The following LIPA variants were observed in gnomAD, a reference collection of about 807,000 sequenced individuals.
LIPA encodes the protein lysosomal acid lipase/cholesteryl ester hydrolase.
Under a neutral mutation model 40.6 loss-of-function variants are expected in LIPA, and 26 were observed. That is an observed-to-expected ratio of 0.64 (90% confidence interval 0.47 to 0.89). The LOEUF (loss-of-function observed/expected upper bound fraction) is 0.89. LIPA is among the 40% of genes least tolerant of loss of function. The pLI, the probability that LIPA is intolerant of heterozygous loss-of-function variation, is 0.00. For synonymous variants in LIPA, 188 were observed against 168.4 expected, an observed-to-expected ratio of 1.12 and a Z score of -0.90; for missense variants, 455 against 479.6, an observed-to-expected ratio of 0.95 and a Z score of 0.48.
chr10:89,373,516 C>T (rs1844104959), intron 2 of LIPA, among the ~76,000 whole-genome samples: 3 of 151,944 alleles, frequency 2.0e-5, no homozygotes, highest in Admixed American at 1.3e-4. Context: ...TGCAAGTTTG[C>T]AAACATGAGT....
intron 2 of LIPA, among the ~76,000 whole-genome samples, chr10:89,399,295 G>A (rs1356988362): frequency 1.3e-5 from 2 of 152,006 alleles, no homozygotes; most frequent in Non-Finnish European, 2.9e-5. Context: ...TACAAGATTT[G>A]CAAATATTTT....
chr10:89,366,063 T>C (rs1348941096), intron 2 of LIPA, among the ~76,000 whole-genome samples: 1 of 152,246 alleles, frequency 6.6e-6, no homozygotes, highest in African/African-American at 2.4e-5. Flanking sequence ...TTTCACGATA[T>C]TGATTCTTCC....
chr10:89,412,877 G>A (rs1319698178), exon 2 of LIPA: 6 of 289,656 alleles, frequency 2.1e-5, no homozygotes, highest in Admixed American at 1.9e-4. Context: ...CACTCACAGC[G>A]AGAGTCCGCA....
chr10:89,237,068 G>A (rs1049530920), intron 3 of LIPA, among the ~76,000 whole-genome samples: 6 of 152,152 alleles, frequency 3.9e-5, no homozygotes, highest in African/African-American at 1.4e-4. Context: ...GAGGCCAGGT[G>A]TTCGAAACCA....
chr10:89,368,575 G>A (rs1049253414), intron 2 of LIPA, among the ~76,000 whole-genome samples: 7 of 151,946 alleles, frequency 4.6e-5, no homozygotes, highest in African/African-American at 1.7e-4. Flanking sequence ...GTCTTAAGTG[G>A]GTTATAGAAA....
chr10:89,318,113 T>C (rs968305812), intron 1 of LIPA, among the ~76,000 whole-genome samples: 1 of 152,098 alleles, frequency 6.6e-6, no homozygotes, highest in African/African-American at 2.4e-5. Context: ...CTGCAAAACA[T>C]GTCAAAGTGT....
At chr10:89,384,512 C>G in intron 2 of LIPA, 2 of 1,613,874 alleles carry the variant, frequency 1.2e-6, no homozygotes, top group South Asian at 2.2e-5. Flanking sequence ...AAAGCAATTA[C>G]CCATTATTTA....
At chr10:89,412,944 C>A in intron 1 of LIPA, 1 of 239,834 alleles carries the variant, frequency 4.2e-6, no homozygotes, top group Non-Finnish European at 8.6e-6. Context: ...CAATTCCGGA[C>A]ACACCATCAC....
chr10:89,323,998 G>A (rs1843586296), intron 1 of LIPA, among the ~76,000 whole-genome samples: 1 of 152,160 alleles, frequency 6.6e-6, no homozygotes, highest in African/African-American at 2.4e-5. Context: ...CAAAGCTGGA[G>A]GCATCATGTT....
At chr10:89,375,659 A>G (rs1296584805) in intron 2 of LIPA, among the ~76,000 whole-genome samples, 1 of 152,198 alleles carries the variant, frequency 6.6e-6, no homozygotes, top group Admixed American at 6.5e-5. Flanking sequence ...CCCTTTCAGC[A>G]AACTTGGTCT....
At chr10:89,319,208 A>T (rs897438166) in intron 1 of LIPA, among the ~76,000 whole-genome samples, 3 of 152,250 alleles carry the variant, frequency 2.0e-5, no homozygotes, top group African/African-American at 7.2e-5. Flanking sequence ...GAAATAACTA[A>T]GATCAGAGCA....
intron 1 of LIPA, among the ~76,000 whole-genome samples, chr10:89,264,856 GC>G (rs1843227188): frequency 6.6e-6 from 1 of 152,208 alleles, no homozygotes; most frequent in African/African-American, 2.4e-5. Flanking sequence ...CACTGGGACT[GC>G]CCCTTTCTGC....
At chr10:89,290,524 A>G (rs1564776951) in intron 1 of LIPA, among the ~76,000 whole-genome samples, 1 of 152,360 alleles carries the variant, frequency 6.6e-6, no homozygotes, top group East Asian at 1.9e-4. Context: ...GCCCAAGCTA[A>G]GCCAACATAT....
At chr10:89,311,155 A>C (rs1843513192) in intron 1 of LIPA, among the ~76,000 whole-genome samples, 1 of 152,238 alleles carries the variant, frequency 6.6e-6, no homozygotes, top group South Asian at 2.1e-4. Context: ...TGTGATATAA[A>C]ACCACTGAGC....
intron 1 of LIPA, among the ~76,000 whole-genome samples, chr10:89,305,740 C>T (rs1287428265): frequency 6.6e-6 from 1 of 152,196 alleles, no homozygotes; most frequent in Non-Finnish European, 1.5e-5. Context: ...GAACAACCCA[C>T]TGCCCTCGCC....
In LIPA at chr10:89,359,815, TCACA is replaced by T. The variant is rs61589202; in HGVS notation, c.61+52972_61+52975del. ...CTCTATCTATCTCTCTCTCTCTCTC[TCACA>T]CACACACACACACACACACACACAA... On this transcript the variant is annotated intron_variant, in intron 2 of 8. Coordinates refer to the LIPA transcript ENST00000371837. 3.2e-3 allele frequency among the ~76,000 whole-genome samples: 462 copies of T among 146,190 alleles called. 3 individuals are homozygous for T. Among genetic ancestry groups the T allele is most frequent in the African/African-American group, 7.8e-3 (309 of 39,696 alleles).
At chr10:89,383,526 C>CCTGG in intron 2 of LIPA, 1 of 1,614,112 alleles carries the variant, frequency 6.2e-7, no homozygotes, top group Non-Finnish European at 8.5e-7. Context: ...ATGAGGAAGC[C>CCTGG]CTGGTCAGCT....
Position 89,334,478 on chromosome 10 carries a change from C to CT in LIPA, c.-2+8132dup, listed in dbSNP as rs578154457. On this transcript the variant is annotated intron_variant, in intron 1 of 5. Coordinates refer to the LIPA transcript ENST00000282673. ...TGTTTTTTCTTCTTTTTCTTTTATTCTTTTTTTTTTTTTTTTTTTTTTTTT... is the reference window on the plus strand; with the variant it reads ...TGTTTTTTCTTCTTTTTCTTTTATTCTTTTTTTTTTTTTTTTTTTTTTTTTT... 7.4e-3 allele frequency among the ~76,000 whole-genome samples: 188 copies of CT among 25,314 alleles called. 19 individuals are homozygous for CT. The highest frequency in any genetic ancestry group is 9.4e-3 in the Non-Finnish European group (136 of 14,396). 16.6% of individuals were successfully genotyped at this position (25,314 alleles called of 152,430 possible).
At chr10:89,237,722 C>G (rs1842922656) in intron 3 of LIPA, among the ~76,000 whole-genome samples, 1 of 152,160 alleles carries the variant, frequency 6.6e-6, no homozygotes. Context: ...TCCATTGATG[C>G]TTTTTTCCTG....
Sources: allele counts gnomAD v4.1 joint callset (sites outside exome capture counted in the v4.1 genomes callset), GRCh38; gene constraint gnomAD v4.1.1; transcripts MANE v1.5; gene names NCBI Gene and HGNC (gene_info 2026-07-23, HGNC 2026-07-21).